The following HECW1 variants were observed in gnomAD, a reference collection of about 807,000 sequenced individuals.
HECW1 encodes HECT, C2 and WW domain containing E3 ubiquitin protein ligase 1, also known as E3 ubiquitin-protein ligase HECW1.
HECW1 carries 61 observed loss-of-function variants against 182.3 expected under a neutral mutation model. That is an observed-to-expected ratio of 0.33 (90% confidence interval 0.27 to 0.41). The LOEUF is 0.41. Ranked by LOEUF, HECW1 falls within the 10% of genes least tolerant of loss-of-function variation. The probability of loss-of-function intolerance (pLI) is 1.00; values close to 1 mark genes in which losing one functional copy is unlikely to be tolerated. For missense variants in HECW1, 1,739 were observed against 2,108.9 expected (o/e 0.82, Z 3.44); for synonymous variants, 859 against 832.6 (o/e 1.03, Z -0.55).
At chr7:43,288,644 G>T (rs1248888800) in intron 3 of HECW1, among the ~76,000 whole-genome samples, 1 of 152,126 alleles carries the variant, frequency 6.6e-6, no homozygotes, top group Non-Finnish European at 1.5e-5. Context: ...GACTCCCAGA[G>T]CCCAGGAGGA....
intron 13 of HECW1, among the ~76,000 whole-genome samples, chr7:43,460,967 T>C (rs2077563169): frequency 6.6e-6 from 1 of 152,156 alleles, no homozygotes; most frequent in Non-Finnish European, 1.5e-5. Context: ...TCAAATAAGA[T>C]CATATTTACT....
At chr7:43,124,134 C>T (rs551748125) in intron 2 of HECW1, among the ~76,000 whole-genome samples, 13 of 152,236 alleles carry the variant, frequency 8.5e-5, no homozygotes, top group Non-Finnish European at 1.3e-4. Context: ...GTCTACTAAA[C>T]GATGTAATCG....
At chr7:43,276,183 A>C (rs1035327006) in intron 3 of HECW1, among the ~76,000 whole-genome samples, 21 of 152,188 alleles carry the variant, frequency 1.4e-4, no homozygotes, top group Non-Finnish European at 2.9e-5. Flanking sequence ...CATAACAACT[A>C]TGCCAGGGAC....
At chr7:43,408,452 G>A (rs1367234336) in intron 8 of HECW1, among the ~76,000 whole-genome samples, 1 of 151,792 alleles carries the variant, frequency 6.6e-6, no homozygotes, top group Non-Finnish European at 1.5e-5. Flanking sequence ...GGAGGCTAGG[G>A]CAGGTGAATC....
chr7:43,303,568 T>A (rs1807147628), intron 3 of HECW1, among the ~76,000 whole-genome samples: 1 of 152,162 alleles, frequency 6.6e-6, no homozygotes. Context: ...CTCCCCCTAA[T>A]GTTCCCTTTC....
At chr7:43,422,251 C>G (rs2076206328) in intron 8 of HECW1, among the ~76,000 whole-genome samples, 1 of 152,158 alleles carries the variant, frequency 6.6e-6, no homozygotes, top group African/African-American at 2.4e-5. Flanking sequence ...TACAATTACC[C>G]AAACCACTGC....
At chr7:43,265,790 G>A (rs1801717298) in intron 3 of HECW1, among the ~76,000 whole-genome samples, 1 of 152,204 alleles carries the variant, frequency 6.6e-6, no homozygotes, top group South Asian at 2.1e-4. Context: ...GGATTCCCAT[G>A]CTTTTGCCCA....
chr7:43,211,067 C>T (rs1439515103), intron 2 of HECW1, among the ~76,000 whole-genome samples: 2 of 152,188 alleles, frequency 1.3e-5, no homozygotes, highest in Admixed American at 6.5e-5. Context: ...AGATGATTGG[C>T]TATTTCTTTA....
At chr7:43,520,962 G>A (rs2152938468) in intron 24 of HECW1, among the ~76,000 whole-genome samples, 1 of 152,344 alleles carries the variant, frequency 6.6e-6, no homozygotes, top group African/African-American at 2.4e-5. Context: ...TTTCTGGCAT[G>A]GAGGCAGCAC....
chr7:43,169,690 CTTTTTTTT>C, intron 2 of HECW1, among the ~76,000 whole-genome samples: 1 of 113,456 alleles, frequency 8.8e-6, no homozygotes, highest in East Asian at 2.3e-4. Flanking sequence ...TTTTTCTTTT[CTTTTTTTT>C]TTTTTTTTTT....
At chr7:43,253,608 T>G (rs962267887) in intron 3 of HECW1, among the ~76,000 whole-genome samples, 2 of 152,222 alleles carry the variant, frequency 1.3e-5, no homozygotes, top group Non-Finnish European at 2.9e-5. Flanking sequence ...TTCCAAGAGC[T>G]TTAAATATAT....
chr7:43,214,397 T>C lies in HECW1; in HGVS notation c.-31-29478T>C, dbSNP rs1489454319. 2.0e-5 allele frequency among the ~76,000 whole-genome samples: 3 copies of C among 152,248 alleles called. No individual in the cohort carries two copies. In the East Asian group the frequency reaches 5.8e-4, roughly 29 times the overall value. On this transcript the variant is annotated intron_variant, in intron 2 of 29. Transcript: ENST00000395891. ...TCATAATAAATAACTTAGGAAATAA[T>C]ACATTCAAATATATATTCAAATAAC...
chr7:43,455,593 G>T (rs2077374794), intron 12 of HECW1, among the ~76,000 whole-genome samples: 2 of 152,224 alleles, frequency 1.3e-5, no homozygotes, highest in Non-Finnish European at 2.9e-5. Flanking sequence ...TGTCGTTTGA[G>T]TAGCCAACAA....
intron 8 of HECW1, among the ~76,000 whole-genome samples, chr7:43,417,072 C>T (rs542906176): frequency 7.9e-5 from 12 of 152,242 alleles, no homozygotes; most frequent in South Asian, 2.1e-4. Flanking sequence ...TTTTTTGAGG[C>T]GGAGTTTCAC....
intron 2 of HECW1, among the ~76,000 whole-genome samples, chr7:43,178,003 G>GT (rs1034003694): frequency 1.5e-4 from 23 of 152,094 alleles, no homozygotes; most frequent in Non-Finnish European, 1.0e-4. Context: ...TGTGGGCAGG[G>GT]TTTTTTTGGT....
chr7:43,493,059 A>G (rs1261159864), intron 18 of HECW1, 25 bp from the exon 19 acceptor site: 1 of 1,549,136 alleles, frequency 6.5e-7, no homozygotes. Context: ...AGACTCAACC[A>G]CAACTGTGCT....
intron 5 of HECW1, among the ~76,000 whole-genome samples, chr7:43,322,123 G>A (rs1422815422): frequency 6.6e-6 from 1 of 152,198 alleles, no homozygotes. Context: ...AGGCTGGAGT[G>A]CAATGGCACA....
chr7:43,151,982 A>G (rs1224882393), intron 2 of HECW1, among the ~76,000 whole-genome samples: 3 of 152,216 alleles, frequency 2.0e-5, no homozygotes, highest in Non-Finnish European at 4.4e-5. Flanking sequence ...TAAATTCTAT[A>G]GATCTCTAAA....
rs561307370 is a variant in HECW1 at position 43,444,119 on chromosome 7, T to C, written c.1046-99T>C. Reference sequence around the variant, plus strand: ...TCAACCTACATTCAATATCCTAATGTAGAAATCCCTTAGTGATGGCTTACA... The same window carrying C: ...TCAACCTACATTCAATATCCTAATGCAGAAATCCCTTAGTGATGGCTTACA... On this transcript the variant is annotated intron_variant, in intron 10 of 29. Transcript: ENST00000395891. The surrounding 1 kb of genome is among the most constrained non-coding windows in gnomAD (Gnocchi z 4.3). 2.0e-5 allele frequency: 24 copies of C among 1,224,652 alleles called. No homozygotes were observed. Among genetic ancestry groups the C allele is most frequent in the Non-Finnish European group, 2.4e-5 (21 of 882,392 alleles). The allele number at this position is 1,224,652 out of a possible 1,614,324, so 75.9% of individuals were successfully genotyped here.
Sources: gnomAD v4.1 joint callset for allele counts (sites outside exome capture counted in the v4.1 genomes callset) on GRCh38, gnomAD v4.1.1 for gene constraint, Gnocchi (gnomAD v3.1) non-coding constraint, MANE v1.5 for transcripts, NCBI Gene and HGNC (gene_info 2026-07-23, HGNC 2026-07-21) for gene names.